The following CAST variants were observed in gnomAD, a reference collection of about 807,000 sequenced individuals.
CAST encodes the protein calpastatin, also known as MIR583 host.
In CAST, 76 loss-of-function variants were observed where a neutral mutation model predicts 119.6. The ratio of observed to expected loss-of-function variants is 0.64; its 90% confidence interval spans 0.53 to 0.77. The LOEUF (loss-of-function observed/expected upper bound fraction) is 0.77. Ranked by LOEUF, CAST falls within the 30% of genes least tolerant of loss-of-function variation. The probability of loss-of-function intolerance (pLI) is 0.00; values close to 1 mark genes in which losing one functional copy is unlikely to be tolerated. For synonymous variants in CAST, 319 were observed against 331.6 expected, an observed-to-expected ratio of 0.96 and a Z score of 0.41; for missense variants, 953 against 946.5, an observed-to-expected ratio of 1.01 and a Z score of -0.09.
At chr5:96,573,869 T>C (rs999751094) in intron 1 of CAST, among the ~76,000 whole-genome samples, 3 of 152,330 alleles carry the variant, frequency 2.0e-5, no homozygotes, top group South Asian at 2.1e-4. Context: ...TGGAATCATA[T>C]AGTATATTCT....
At chr5:96,740,829 T>G (rs1762513398) in intron 13 of CAST, 46 bp downstream of exon 13, 1 of 1,333,692 alleles carries the variant, frequency 7.5e-7, no homozygotes, top group African/African-American at 1.4e-5. Flanking sequence ...TAGTTTTATA[T>G]TTTTGGCTGG....
the CAST span, among the ~76,000 whole-genome samples, chr5:96,046,935 A>G: frequency 6.6e-6 from 1 of 152,136 alleles, no homozygotes; most frequent in Non-Finnish European, 1.5e-5. Flanking sequence ...AGGAAAGACC[A>G]GCCCCCATGA....
At chr5:96,408,579 T>C in the CAST span, among the ~76,000 whole-genome samples, 6 of 152,224 alleles carry the variant, frequency 3.9e-5, no homozygotes, top group East Asian at 5.8e-4. Context: ...CCACTACGAA[T>C]ATTTTCTTTT....
chr5:96,177,763 A>T, the CAST span, among the ~76,000 whole-genome samples: 1 of 152,200 alleles, frequency 6.6e-6, no homozygotes, highest in Non-Finnish European at 1.5e-5. Flanking sequence ...AGACAAGTCA[A>T]TGAGTGCTGA....
chr5:96,125,211 G>A, the CAST span, among the ~76,000 whole-genome samples: 1 of 151,896 alleles, frequency 6.6e-6, no homozygotes, highest in Admixed American at 6.6e-5. Context: ...TCCTTAAGTT[G>A]GTGATAGGTT....
At chr5:95,985,432 C>G in the CAST span, among the ~76,000 whole-genome samples, 2 of 152,208 alleles carry the variant, frequency 1.3e-5, no homozygotes, top group African/African-American at 2.4e-5. Context: ...CAAGAGTCAG[C>G]ATTTTAATTT....
At chr5:96,705,844 T>C (rs1754865570) in intron 3 of CAST, among the ~76,000 whole-genome samples, 2 of 152,192 alleles carry the variant, frequency 1.3e-5, no homozygotes, top group Admixed American at 1.3e-4. Context: ...TTTTACAGAT[T>C]AAGAAAATAA....
chr5:96,639,197 T>C (rs1257625635), intron 1 of CAST, among the ~76,000 whole-genome samples: 1 of 152,222 alleles, frequency 6.6e-6, no homozygotes, highest in Non-Finnish European at 1.5e-5. Flanking sequence ...CCTTGAAGCC[T>C]GAACTACAGG....
intron 1 of CAST, among the ~76,000 whole-genome samples, chr5:96,632,870 C>T (rs772476363): frequency 1.3e-5 from 2 of 152,146 alleles, no homozygotes; most frequent in African/African-American, 2.4e-5. Flanking sequence ...CAACTTTGCT[C>T]TTATTTTTCA....
chr5:96,253,045 GT>G, the CAST span, among the ~76,000 whole-genome samples: 1 of 152,100 alleles, frequency 6.6e-6, no homozygotes, highest in Non-Finnish European at 1.5e-5. Context: ...CATATCTCCT[GT>G]GTTCTAAAGA....
intron 1 of CAST, among the ~76,000 whole-genome samples, chr5:96,674,891 T>C (rs921544371): frequency 3.3e-5 from 5 of 152,194 alleles, no homozygotes; most frequent in African/African-American, 1.2e-4. Flanking sequence ...CATTACCCAA[T>C]GTATATTCAA....
At chr5:96,759,527 C>A (rs1170149326) in intron 24 of CAST, among the ~76,000 whole-genome samples, 2 of 151,958 alleles carry the variant, frequency 1.3e-5, no homozygotes, top group Admixed American at 1.3e-4. Flanking sequence ...AAACTAAATG[C>A]TTATTGAATT....
chr5:96,389,374 T>C, the CAST span, among the ~76,000 whole-genome samples: 37 of 152,314 alleles, frequency 2.4e-4, no homozygotes, highest in African/African-American at 8.4e-4. Context: ...ACCTTAAATA[T>C]GTACAATCAA....
At chr5:96,143,211 T>G in the CAST span, among the ~76,000 whole-genome samples, 1 of 152,182 alleles carries the variant, frequency 6.6e-6, no homozygotes, top group Admixed American at 6.5e-5. Context: ...AGTGATGCAA[T>G]TTTCCTTCCC....
At chr5:96,413,756 C>T in the CAST span, among the ~76,000 whole-genome samples, 1 of 142,080 alleles carries the variant, frequency 7.0e-6, no homozygotes. Flanking sequence ...GCTAAGATTG[C>T]AACCACTGCA....
intron 1 of CAST, among the ~76,000 whole-genome samples, chr5:96,582,650 T>C (rs1746790149): frequency 6.6e-6 from 1 of 152,220 alleles, no homozygotes; most frequent in Non-Finnish European, 1.5e-5. Context: ...GAAGCCTGCA[T>C]TTCCCTCCAT....
At chr5:96,575,796 C>T (rs983948706) in intron 1 of CAST, among the ~76,000 whole-genome samples, 3 of 151,968 alleles carry the variant, frequency 2.0e-5, no homozygotes, top group Admixed American at 1.3e-4. Flanking sequence ...GCACGTGCCT[C>T]GATGCCCAGC....
the CAST span, among the ~76,000 whole-genome samples, chr5:96,441,161 C>G: frequency 6.6e-6 from 1 of 152,226 alleles, no homozygotes; most frequent in African/African-American, 2.4e-5. Flanking sequence ...GAAAATAGCA[C>G]CCTAGTTACA....
the CAST span, among the ~76,000 whole-genome samples, chr5:96,156,537 T>C: frequency 6.6e-6 from 1 of 152,152 alleles, no homozygotes; most frequent in Admixed American, 6.5e-5. Context: ...GTTTAGAAAA[T>C]GGTACAAACT....
Sources: allele counts gnomAD v4.1 joint callset (sites outside exome capture counted in the v4.1 genomes callset), GRCh38; gene constraint gnomAD v4.1.1; transcripts MANE v1.5; gene names NCBI Gene and HGNC (gene_info 2026-07-23, HGNC 2026-07-21).